Variants in CADM1 observed in about 807,000 individuals in gnomAD.
CADM1 encodes the protein TSLC-1.
In CADM1, 15 loss-of-function variants were observed where a neutral mutation model predicts 53.1. That is an observed-to-expected ratio of 0.28 (90% CI 0.19 to 0.44). The LOEUF (loss-of-function observed/expected upper bound fraction) is 0.44, where lower values mean the gene tolerates loss of function less well. CADM1 is among the 20% of genes least tolerant of loss of function. CADM1 has a pLI of 1.00. For synonymous variants in CADM1, 281 were observed against 243.0 expected (o/e 1.16, Z -1.45); for missense variants, 434 against 611.3 (o/e 0.71, Z 3.06).
Position 115,500,101 on chromosome 11 carries a change from G to GT in CADM1, c.124+4169dup, listed in dbSNP as rs1949699286. On this transcript the variant is annotated intron_variant, in intron 1 of 11. Transcript: ENST00000331581. Reference sequence around the variant, plus strand: ...TGTCGCTGTGTGATTTCTCCTTTCTGTGCTGGATTTTCAGTTAAAAATGCC... The same window carrying GT: ...TGTCGCTGTGTGATTTCTCCTTTCTGTTGCTGGATTTTCAGTTAAAAATGCC... Among the ~76,000 whole-genome samples, 2 of 152,110 alleles carry GT rather than the reference G, an allele frequency of 1.3e-5. 1 individual carries two copies. The highest frequency in any genetic ancestry group is 4.1e-4 in the South Asian group (2 of 4,822).
Position 115,214,505 on chromosome 11 carries a change from T to A in CADM1, c.994+103A>T, listed in dbSNP as rs894406437. The A allele has an allele frequency of 2.0e-5, 23 of 1,170,490 alleles. No homozygotes were observed. In the Admixed American group the frequency reaches 2.8e-4, roughly 14 times the overall value. The allele number at this position is 1,170,490 out of a possible 1,614,324, so 72.5% of individuals were successfully genotyped here. A position where few individuals can be genotyped will look rare whatever the true frequency, so the allele number is the denominator to read the frequency against. ...CTTTAAGTTCTAGAAGGAAACCAACTGGTTTTTGATTTTCAACTTGACCAA... is the reference window on the plus strand; with the variant it reads ...CTTTAAGTTCTAGAAGGAAACCAACAGGTTTTTGATTTTCAACTTGACCAA... On this transcript the variant is annotated intron_variant, in intron 7 of 11. Coordinates refer to ENST00000331581, the MANE Select transcript of CADM1 (RefSeq NM_001301043.2).
chr11:115,184,811 T>C (rs1374645607), intron 10 of CADM1, among the ~76,000 whole-genome samples: 1 of 152,236 alleles, frequency 6.6e-6, no homozygotes, highest in African/African-American at 2.4e-5. Flanking sequence ...TCATTTAAAT[T>C]AGAAGTACTG....
intron 1 of CADM1, chr11:115,340,323 C>T (rs1340873536): frequency 1.3e-5 from 2 of 151,786 alleles, no homozygotes; most frequent in Non-Finnish European, 2.9e-5. Context: ...TATCTCTGTT[C>T]CATCTTTGAT....
chr11:115,489,724 G>A (rs917166540), intron 1 of CADM1, among the ~76,000 whole-genome samples: 1 of 152,198 alleles, frequency 6.6e-6, no homozygotes, highest in African/African-American at 2.4e-5. Flanking sequence ...TGATAGGAAG[G>A]AGGAAGATAA....
At chr11:115,428,021 A>G (rs181365622) in intron 1 of CADM1, among the ~76,000 whole-genome samples, 14,891 of 149,574 alleles carry the variant, frequency 0.1, 1,059 homozygotes, top group Non-Finnish European at 0.15. Context: ...AAAAAAAAAA[A>G]AAAAAAAAAA....
At chr11:115,292,077 T>C (rs924947984) in intron 1 of CADM1, among the ~76,000 whole-genome samples, 1 of 151,600 alleles carries the variant, frequency 6.6e-6, no homozygotes, top group Non-Finnish European at 1.5e-5. Context: ...CTTCTGTTTC[T>C]TACCACCCAC....
rs1942190914 is a variant in CADM1 at position 115,240,506 on chromosome 11, A to G, written c.125-86T>C. 2.2e-6 allele frequency: 3 copies of G among 1,382,624 alleles called. No homozygotes were observed. In the African/African-American group the frequency reaches 4.3e-5, roughly 20 times the overall value. The allele number at this position is 1,382,624 out of a possible 1,614,324, so 85.6% of individuals were successfully genotyped here. A position where few individuals can be genotyped will look rare whatever the true frequency, so the allele number is the denominator to read the frequency against. The stretch of plus-strand genomic sequence containing the variant: ...GGATCTATTAAAGTGGGAACTAGGC[A>G]TATTAGAAAATGAACACAAGTAGCA... On this transcript the variant is annotated intron_variant, in intron 1 of 11. Transcript: ENST00000331581.
At chr11:115,205,429 A>G (rs2134712046) in intron 8 of CADM1, among the ~76,000 whole-genome samples, 1 of 152,222 alleles carries the variant, frequency 6.6e-6, no homozygotes, top group South Asian at 2.1e-4. Flanking sequence ...TAAAAACAAG[A>G]CAGAACAAAC....
At chr11:115,463,536 G>A (rs1432781645) in intron 1 of CADM1, among the ~76,000 whole-genome samples, 1 of 152,140 alleles carries the variant, frequency 6.6e-6, no homozygotes, top group Non-Finnish European at 1.5e-5. Context: ...GTACATTCCT[G>A]TTTCAGAATT....
chr11:115,455,773 G>A lies in CADM1; in HGVS notation c.124+48498C>T, dbSNP rs118128205. ...TAATTTGCTATGTGGCCAACATGGT[G>A]AAGTACTTCACAAATCGCTGGTTCA... is the stretch of plus-strand genomic sequence containing the variant. On this transcript the variant is annotated intron_variant, in intron 1 of 11. Transcript: ENST00000331581. Among the ~76,000 whole-genome samples the A allele has an allele frequency of 4.3e-4, 65 of 152,276 alleles. No individual in the cohort carries two copies. In the East Asian group the frequency reaches 9.5e-3, roughly 22 times the overall value.
In CADM1 at chr11:115,176,443, T is replaced by C. The variant is rs1017988992; in HGVS notation, c.*31A>G. 9.9e-6 allele frequency: 16 copies of C among 1,612,624 alleles called. No individual in the cohort carries two copies. Among genetic ancestry groups the C allele is most frequent in the African/African-American group, 5.3e-5 (4 of 74,900 alleles). On this transcript the variant is annotated 3_prime_UTR_variant, in exon 12 of 12. Transcript: ENST00000331581. ...CTCTTTATCATCTAAATAGGGCCAG[T>C]TGGACACCTCATTGAAACAAAAAGG...
intron 7 of CADM1, among the ~76,000 whole-genome samples, chr11:115,209,993 ACAATGGTTGTCATTTCGTTT>A (rs1940883595): frequency 6.6e-6 from 1 of 152,216 alleles, no homozygotes; most frequent in South Asian, 2.1e-4. Context: ...CCAAGAGGGT[ACAATGGTTGTCATTTCGTTT>A]CAGCTTTTAC....
At position 115,290,844 on chromosome 11, in the gene CADM1, T is replaced by TA. The variant is rs550179504; in HGVS notation, c.125-50425dup. Among the ~76,000 whole-genome samples the TA allele has an allele frequency of 5.9e-5, 9 of 152,320 alleles. No individual in the cohort carries two copies. In the East Asian group the frequency reaches 1.3e-3, roughly 23 times the overall value. ...GCTTGTTTAGAGTTCACAAGTGTCATAAAAAACTCTATATTTAAATATCTA... is the reference window on the plus strand; with the variant it reads ...GCTTGTTTAGAGTTCACAAGTGTCATAAAAAAACTCTATATTTAAATATCTA... On this transcript the variant is annotated intron_variant, in intron 1 of 11. Transcript: ENST00000331581.
intron 1 of CADM1, among the ~76,000 whole-genome samples, chr11:115,450,244 A>C (rs220840): frequency 1.3e-5 from 2 of 152,072 alleles, no homozygotes; most frequent in South Asian, 2.1e-4. Context: ...CAAGAGCACC[A>C]ATCATAAAAT....
rs1301457297 is a variant in CADM1, at chr11:115,493,301, G to A, written c.124+10970C>T. 3.3e-5 allele frequency among the ~76,000 whole-genome samples: 5 copies of A among 151,206 alleles called. No individual in the cohort carries two copies. In the East Asian group the frequency reaches 9.7e-4, roughly 29 times the overall value. ...TCTAAAAAAAAAAAAAAAAGAGGGG[G>A]AAGAGTAGGGAAGGCAAGCTCTTCT... is the stretch of plus-strand genomic sequence containing the variant. On this transcript the variant is annotated intron_variant, in intron 1 of 11. Coordinates refer to ENST00000331581, the MANE Select transcript of CADM1 (RefSeq NM_001301043.2).
At chr11:115,387,900 T>TA (rs575681501) in intron 1 of CADM1, among the ~76,000 whole-genome samples, 69 of 144,246 alleles carry the variant, frequency 4.8e-4, no homozygotes, top group Admixed American at 9.1e-4. Flanking sequence ...CTTTCTCCTC[T>TA]AAAAAAAAAA....
At chr11:115,412,690 C>T (rs1947488621) in intron 1 of CADM1, among the ~76,000 whole-genome samples, 1 of 152,124 alleles carries the variant, frequency 6.6e-6, no homozygotes, top group Admixed American at 6.5e-5. Flanking sequence ...GACTACCTCA[C>T]TGGAGTTACA....
intron 1 of CADM1, among the ~76,000 whole-genome samples, chr11:115,257,633 G>A (rs1219024521): frequency 1.3e-5 from 2 of 152,182 alleles, no homozygotes; most frequent in Non-Finnish European, 2.9e-5. Context: ...TAATTCACCA[G>A]TGAATGAAAA....
In CADM1 at chr11:115,170,859, T is replaced by G. The variant is rs1938768464; in HGVS notation, c.*5615A>C. On this transcript the variant is annotated 3_prime_UTR_variant, in exon 12 of 12. Coordinates refer to ENST00000331581, the MANE Select transcript of CADM1 (RefSeq NM_001301043.2). ...GCTCTAAACTCAGGACTGGCTGGCT[T>G]GTCCCTTCACGGCCAACCTGAAAGC... is the stretch of plus-strand genomic sequence containing the variant. 6.6e-6 allele frequency: 1 copy of G among 152,182 alleles called. No homozygotes were observed. Among genetic ancestry groups the G allele is most frequent in the Non-Finnish European group, 1.5e-5 (1 of 68,042 alleles). 9.4% of individuals were successfully genotyped at this position (152,182 alleles called of 1,614,324 possible).
Sources: allele counts gnomAD v4.1 joint callset (sites outside exome capture counted in the v4.1 genomes callset), GRCh38; gene constraint gnomAD v4.1.1; transcripts MANE v1.5; gene names NCBI Gene and HGNC (gene_info 2026-07-23, HGNC 2026-07-21).